The following UVRAG variants were observed in gnomAD, a reference collection of about 807,000 sequenced individuals.
The protein encoded by UVRAG is UV radiation resistance associated, also known as UV radiation resistance-associated gene protein.
Under a neutral mutation model 78.0 loss-of-function variants are expected in UVRAG, and 19 were observed. The ratio of observed to expected loss-of-function variants is 0.24; its 90% CI spans 0.17 to 0.36. The LOEUF (loss-of-function observed/expected upper bound fraction) is 0.36, where lower values mean the gene tolerates loss of function less well. Ranked by LOEUF, UVRAG falls within the 10% of genes least tolerant of loss-of-function variation. The pLI, the probability that UVRAG is intolerant of heterozygous loss-of-function variation, is 1.00. For synonymous variants in UVRAG, 323 were observed against 324.6 expected (o/e 1.00, Z 0.05); for missense variants, 740 against 853.8 (o/e 0.87, Z 1.66).
At chr11:76,137,536 G>A in intron 14 of UVRAG, 1 of 452,194 alleles carries the variant, frequency 2.2e-6, no homozygotes, top group South Asian at 1.6e-5. Flanking sequence ...TGATAAAAAG[G>A]TAAACCTTAG....
At chr11:75,957,797 T>G (rs574203216) in intron 6 of UVRAG, among the ~76,000 whole-genome samples, 2 of 152,226 alleles carry the variant, frequency 1.3e-5, no homozygotes, top group Non-Finnish European at 2.9e-5. Context: ...GTCATTAAAG[T>G]ATTATTTAAA....
intron 3 of UVRAG, among the ~76,000 whole-genome samples, chr11:75,871,698 A>AG (rs1946656094): frequency 6.6e-6 from 1 of 152,194 alleles, no homozygotes; most frequent in Non-Finnish European, 1.5e-5. Context: ...CCTTTCTCTG[A>AG]GGTAGGTACT....
chr11:75,886,064 C>G (rs974998980), intron 4 of UVRAG, among the ~76,000 whole-genome samples: 9 of 152,098 alleles, frequency 5.9e-5, no homozygotes, highest in Middle Eastern at 3.4e-3. Context: ...AGTAGGGGTA[C>G]CAGGGCTGTA....
At chr11:75,875,445 G>A (rs1336420591) in intron 3 of UVRAG, among the ~76,000 whole-genome samples, 1 of 148,508 alleles carries the variant, frequency 6.7e-6, no homozygotes, top group East Asian at 2.0e-4. Flanking sequence ...CTTAGGACCT[G>A]TTACGTATTT....
chr11:76,108,442 A>C (rs995438198), intron 13 of UVRAG, among the ~76,000 whole-genome samples: 4 of 152,194 alleles, frequency 2.6e-5, no homozygotes, highest in Non-Finnish European at 5.9e-5. Context: ...CAGAGCTGCA[A>C]GTGGTCTTCC....
intron 3 of UVRAG, among the ~76,000 whole-genome samples, chr11:75,868,032 T>C (rs1946571824): frequency 6.6e-6 from 1 of 152,198 alleles, no homozygotes; most frequent in Non-Finnish European, 1.5e-5. Flanking sequence ...GAATTCATCT[T>C]ACAATGTGAA....
intron 6 of UVRAG, among the ~76,000 whole-genome samples, chr11:75,917,576 C>T (rs1325542647): frequency 6.6e-6 from 1 of 152,182 alleles, no homozygotes; most frequent in Non-Finnish European, 1.5e-5. Flanking sequence ...CTCTACCTCT[C>T]TTTTGGATTT....
At chr11:75,973,489 G>C (rs1046686601) in intron 7 of UVRAG, among the ~76,000 whole-genome samples, 1 of 152,102 alleles carries the variant, frequency 6.6e-6, no homozygotes, top group Non-Finnish European at 1.5e-5. Context: ...GGTGATGCTG[G>C]CTTCATAGAA....
At chr11:75,986,950 C>A (rs1949511536) in intron 8 of UVRAG, among the ~76,000 whole-genome samples, 1 of 152,142 alleles carries the variant, frequency 6.6e-6, no homozygotes, top group Admixed American at 6.5e-5. Flanking sequence ...CATTTTTACT[C>A]CTGAATAATA....
At chr11:76,073,971 A>C (rs1193415616) in intron 13 of UVRAG, among the ~76,000 whole-genome samples, 1 of 152,204 alleles carries the variant, frequency 6.6e-6, no homozygotes, top group African/African-American at 2.4e-5. Flanking sequence ...TAGACATTGC[A>C]AAACAGACTT....
chr11:75,999,525 C>T (rs911694296), intron 8 of UVRAG, among the ~76,000 whole-genome samples: 22 of 151,654 alleles, frequency 1.5e-4, no homozygotes, highest in South Asian at 2.1e-4. Context: ...GGATTACAGG[C>T]GCACACCACC....
chr11:75,959,018 A>G (rs1272384253), intron 6 of UVRAG, among the ~76,000 whole-genome samples: 1 of 152,206 alleles, frequency 6.6e-6, no homozygotes, highest in Non-Finnish European at 1.5e-5. Context: ...TAAAATATTC[A>G]TAAAACCATG....
At chr11:76,046,678 G>A (rs191246817) in intron 12 of UVRAG, among the ~76,000 whole-genome samples, 35 of 152,202 alleles carry the variant, frequency 2.3e-4, no homozygotes, top group Admixed American at 2.0e-3. Flanking sequence ...GAAGAGGTGG[G>A]GAAGCAGTGT....
chr11:76,138,160 A>C (rs1026464460), intron 14 of UVRAG, among the ~76,000 whole-genome samples: 32 of 152,348 alleles, frequency 2.1e-4, no homozygotes, highest in Non-Finnish European at 5.9e-5. Flanking sequence ...GAAGGCATTT[A>C]GCTTGATGTG....
intron 8 of UVRAG, among the ~76,000 whole-genome samples, chr11:75,985,920 T>C (rs996619734): frequency 6.6e-6 from 1 of 152,150 alleles, no homozygotes. Flanking sequence ...GCTGTTTTAA[T>C]TTTTTTCATG....
At chr11:76,066,310 T>C (rs1951184174) in intron 13 of UVRAG, among the ~76,000 whole-genome samples, 1 of 152,174 alleles carries the variant, frequency 6.6e-6, no homozygotes, top group African/African-American at 2.4e-5. Flanking sequence ...ACTTAAATAA[T>C]GTCTTTCCGT....
At chr11:76,108,053 G>A (rs1381502858) in intron 13 of UVRAG, among the ~76,000 whole-genome samples, 1 of 152,054 alleles carries the variant, frequency 6.6e-6, no homozygotes, top group East Asian at 1.9e-4. Context: ...TTGAAGCATT[G>A]TATTAATCCA....
At chr11:75,986,036 T>A (rs991591483) in intron 8 of UVRAG, among the ~76,000 whole-genome samples, 2 of 152,192 alleles carry the variant, frequency 1.3e-5, no homozygotes, top group African/African-American at 4.8e-5. Context: ...AATTTCTACA[T>A]AGAAAAGAAA....
chr11:76,064,677 A>G (rs1410228350), intron 12 of UVRAG, among the ~76,000 whole-genome samples: 1 of 152,216 alleles, frequency 6.6e-6, no homozygotes, highest in Non-Finnish European at 1.5e-5. Flanking sequence ...AGAATTTAAT[A>G]TAAAGCCCTT....
Sources: gnomAD v4.1 joint callset for allele counts (sites outside exome capture counted in the v4.1 genomes callset) on GRCh38, gnomAD v4.1.1 for gene constraint, MANE v1.5 for transcripts, NCBI Gene and HGNC (gene_info 2026-07-23, HGNC 2026-07-21) for gene names.